DAB2IP: variants seen among roughly 807,000 people sequenced by gnomAD.
DAB2IP encodes DAB2 interacting protein, also known as disabled homolog 2-interacting protein.
Under a neutral mutation model 107.2 loss-of-function variants are expected in DAB2IP, and 28 were observed. The ratio of observed to expected loss-of-function variants is 0.26; its 90% CI spans 0.19 to 0.36. The LOEUF (loss-of-function observed/expected upper bound fraction) is 0.36. Ranked by LOEUF, DAB2IP falls within the 10% of genes least tolerant of loss-of-function variation. The pLI, the probability that DAB2IP is intolerant of heterozygous loss-of-function variation, is 1.00. For synonymous variants in DAB2IP, 755 were observed against 706.4 expected, an observed-to-expected ratio of 1.07 and a Z score of -1.09; for missense variants, 1,400 against 1,644.7, an observed-to-expected ratio of 0.85 and a Z score of 2.57.
chr9:121,653,712 C>T (rs1028567193), intron 1 of DAB2IP, among the ~76,000 whole-genome samples: 1 of 152,012 alleles, frequency 6.6e-6, no homozygotes, highest in Non-Finnish European at 1.5e-5. Flanking sequence ...CCATCCCTGA[C>T]TGTAATGGGA....
chr9:121,730,929 A>G (rs1198210602), intron 3 of DAB2IP, among the ~76,000 whole-genome samples: 1 of 152,206 alleles, frequency 6.6e-6, no homozygotes, highest in Admixed American at 6.5e-5. Flanking sequence ...TGTGCCAGGC[A>G]CAGAAGTTGG....
At chr9:121,649,370 T>C (rs1832657942), upstream of DAB2IP, among the ~76,000 whole-genome samples, 1 of 141,742 alleles carries the variant, frequency 7.1e-6, no homozygotes, top group Admixed American at 7.0e-5. Context: ...ACAGATGAGG[T>C]CCTGAGTTCC....
chr9:121,634,356 G>T lies in DAB2IP; in HGVS notation c.41-44322G>T, dbSNP rs1310899429. Among the ~76,000 whole-genome samples, 1 of 152,200 alleles carries T rather than the reference G, an allele frequency of 6.6e-6. No homozygotes were observed. ...ACCCCGCCTTTACTCTCTTAGTTCT[G>T]ACATTTCACAAGCCTTTGTTTTTTT... On this transcript the variant is annotated intron_variant, in intron 1 of 16. Transcript: ENST00000259371. This position sits in a 1 kb window ranked among gnomAD's most constrained non-coding sequence, Gnocchi z 4.7.
chr9:121,669,813 T>C (rs1170964123), intron 1 of DAB2IP, among the ~76,000 whole-genome samples: 2 of 152,188 alleles, frequency 1.3e-5, no homozygotes, highest in African/African-American at 2.4e-5. Context: ...CAGAGTAACC[T>C]TGTCTGAGGT....
chr9:121,680,586 T>C (rs1589504918), intron 2 of DAB2IP, among the ~76,000 whole-genome samples: 1 of 152,228 alleles, frequency 6.6e-6, no homozygotes, highest in Non-Finnish European at 1.5e-5. Context: ...TCTCTCTGGA[T>C]CCCTGGGGCC....
chr9:121,621,630 T>C (rs1285970250), intron 1 of DAB2IP, among the ~76,000 whole-genome samples: 2 of 150,140 alleles, frequency 1.3e-5, no homozygotes, highest in Non-Finnish European at 2.9e-5. Flanking sequence ...TGTATTTCTT[T>C]TTTTCCTTTT....
In DAB2IP at chr9:121,698,983, C is replaced by G. The variant is rs531325637; in HGVS notation, c.229-342C>G. 4.5e-4 allele frequency among the ~76,000 whole-genome samples: 69 copies of G among 151,800 alleles called. No individual in the cohort carries two copies. Among genetic ancestry groups the G allele is most frequent in the African/African-American group, 1.6e-3 (65 of 41,504 alleles). On this transcript the variant is annotated intron_variant, in intron 2 of 15. Transcript: ENST00000408936. The surrounding 1 kb of genome is among the most constrained non-coding windows in gnomAD (Gnocchi z 4.1). Reference sequence around the variant, plus strand: ...GTCTCCGCCCCTCCGCAGCCCCGCCCCCTCGTCCCGGTACTCCCCCTCGCC... The same window carrying G: ...GTCTCCGCCCCTCCGCAGCCCCGCCGCCTCGTCCCGGTACTCCCCCTCGCC...
chr9:121,674,941 A>C (rs1184399350), intron 1 of DAB2IP, among the ~76,000 whole-genome samples: 1 of 151,884 alleles, frequency 6.6e-6, no homozygotes, highest in Non-Finnish European at 1.5e-5. Flanking sequence ...AGTTCCTGGA[A>C]GCTCCAGCTG....
intron 1 of DAB2IP, among the ~76,000 whole-genome samples, chr9:121,672,277 CTTTTCTCCTGACGT>C (rs1191589373): frequency 6.6e-6 from 1 of 152,184 alleles, no homozygotes; most frequent in African/African-American, 2.4e-5. Context: ...TTGCTGACTT[CTTTTCTCCTGACGT>C]TAGCGTTAAG....
chr9:121,696,139 G>C (rs1829416418), intron 2 of DAB2IP, among the ~76,000 whole-genome samples: 1 of 152,218 alleles, frequency 6.6e-6, no homozygotes, highest in Admixed American at 6.5e-5. Flanking sequence ...AAAGTGCTGG[G>C]ATTACAGGCG....
chr9:121,738,602 A>G (rs913442982), intron 3 of DAB2IP, among the ~76,000 whole-genome samples: 1 of 152,194 alleles, frequency 6.6e-6, no homozygotes. Context: ...GTTCCAGAGC[A>G]GTTAAACGAA....
At chr9:121,695,192 C>A (rs76161582) in intron 2 of DAB2IP, among the ~76,000 whole-genome samples, 2 of 152,138 alleles carry the variant, frequency 1.3e-5, no homozygotes, top group African/African-American at 4.8e-5. Context: ...TGACATTCTG[C>A]GGCTCCAGAA....
At chr9:121,592,381 A>T (rs1442140819) in intron 1 of DAB2IP, among the ~76,000 whole-genome samples, 4 of 152,166 alleles carry the variant, frequency 2.6e-5, no homozygotes, top group African/African-American at 9.7e-5. Context: ...AAAAAAAGAA[A>T]AAAGAAAAAT....
At chr9:121,742,500 T>G (rs1832426184) in intron 3 of DAB2IP, among the ~76,000 whole-genome samples, 1 of 152,188 alleles carries the variant, frequency 6.6e-6, no homozygotes, top group Non-Finnish European at 1.5e-5. Context: ...GGCCCACGCT[T>G]CTCTGAGGGT....
intron 3 of DAB2IP, among the ~76,000 whole-genome samples, chr9:121,748,280 C>A (rs1275499251): frequency 6.6e-6 from 1 of 152,200 alleles, no homozygotes; most frequent in Non-Finnish European, 1.5e-5. Flanking sequence ...AAGACTCCTT[C>A]AGGGAGAGGA....
At chr9:121,569,968 G>T (rs937524452) in intron 1 of DAB2IP, among the ~76,000 whole-genome samples, 4 of 151,830 alleles carry the variant, frequency 2.6e-5, no homozygotes, top group Non-Finnish European at 5.9e-5. Flanking sequence ...TAAAATTTTT[G>T]TGTGTGTGTG....
At chr9:121,769,853 G>C (rs752190081) in intron 10 of DAB2IP, among the ~76,000 whole-genome samples, 1 of 152,234 alleles carries the variant, frequency 6.6e-6, no homozygotes, top group South Asian at 2.1e-4. Context: ...ATCGGTGATA[G>C]GGTGCAACAG....
At position 121,642,018 on chromosome 9, in the gene DAB2IP, TCTCTCTCTCTC is replaced by T. The variant is rs1564128775; in HGVS notation, c.41-36659_41-36649del. On this transcript the variant is annotated intron_variant, in intron 1 of 16. Coordinates refer to the DAB2IP transcript ENST00000259371. ...CTTTCTCTCTCTCTCTCTCTCTCTC[TCTCTCTCTCTC>T]TCTTTCTTTCTTTCTTTCTTTCTTT... is the stretch of plus-strand genomic sequence containing the variant. 2.3e-4 allele frequency among the ~76,000 whole-genome samples: 7 copies of T among 30,498 alleles called. 1 individual carries two copies. Among genetic ancestry groups the T allele is most frequent in the Admixed American group, 1.2e-3 (3 of 2,430 alleles). 20.0% of individuals were successfully genotyped at this position (30,498 alleles called of 152,430 possible). A position where few individuals can be genotyped will look rare whatever the true frequency, so the allele number is the denominator to read the frequency against.
intron 3 of DAB2IP, among the ~76,000 whole-genome samples, chr9:121,744,206 G>A (rs1226283856): frequency 6.6e-6 from 1 of 152,162 alleles, no homozygotes; most frequent in Non-Finnish European, 1.5e-5. Flanking sequence ...GCAGAACTTT[G>A]TTTTTTCTTC....
Sources: allele counts gnomAD v4.1 joint callset (sites outside exome capture counted in the v4.1 genomes callset), GRCh38; gene constraint gnomAD v4.1.1; non-coding constraint Gnocchi (gnomAD v3.1); transcripts MANE v1.5; gene names NCBI Gene and HGNC (gene_info 2026-07-23, HGNC 2026-07-21).